COPG1: variants seen among roughly 807,000 people sequenced by gnomAD.
COPG1 encodes the protein coatomer subunit gamma-1.
Under a neutral mutation model 102.8 loss-of-function variants are expected in COPG1, and 29 were observed. The ratio of observed to expected loss-of-function variants is 0.28; its 90% CI spans 0.21 to 0.38. The LOEUF (loss-of-function observed/expected upper bound fraction) is 0.38, where lower values mean the gene tolerates loss of function less well. Among genes scored for constraint, COPG1 ranks in the 10% least tolerant of loss-of-function variants. The pLI, the probability that COPG1 is intolerant of heterozygous loss-of-function variation, is 1.00. For missense variants in COPG1, 875 were observed against 1,132.7 expected (o/e 0.77, Z 3.27); for synonymous variants, 406 against 421.6 (o/e 0.96, Z 0.45).
Position 129,277,499 on chromosome 3 carries a change from A to G in COPG1, c.*75A>G. The G allele has an allele frequency of 6.7e-7, 1 of 1,487,868 alleles. No individual in the cohort carries two copies. Among genetic ancestry groups the G allele is most frequent in the Non-Finnish European group, 9.2e-7 (1 of 1,082,412 alleles). The allele number at this position is 1,487,868 out of a possible 1,614,324, so 92.2% of individuals were successfully genotyped here. A position where few individuals can be genotyped will look rare whatever the true frequency, so the allele number is the denominator to read the frequency against. On this transcript the variant is annotated 3_prime_UTR_variant, in exon 24 of 24. Transcript: ENST00000314797. Reference sequence around the variant, plus strand: ...GTTGTGCCTTCCTCATGAAACTGGCAGAAACCCCTTCCCAAGCTTCTGTAT... The same window carrying G: ...GTTGTGCCTTCCTCATGAAACTGGCGGAAACCCCTTCCCAAGCTTCTGTAT...
At position 129,277,488 on chromosome 3, in the gene COPG1, A is replaced by T; in HGVS notation, c.*64A>T. On this transcript the variant is annotated 3_prime_UTR_variant, in exon 24 of 24. Coordinates refer to ENST00000314797, the MANE Select transcript of COPG1 (RefSeq NM_016128.4). ...ACTACCTGGAAGTTGTGCCTTCCTC[A>T]TGAAACTGGCAGAAACCCCTTCCCA... is the stretch of plus-strand genomic sequence containing the variant. 1 of 1,544,324 alleles carries T rather than the reference A, an allele frequency of 6.5e-7. No individual in the cohort carries two copies. The highest frequency in any genetic ancestry group is 1.4e-5 in the African/African-American group (1 of 73,704).
chr3:129,252,092 G>C (rs1297442475), intron 2 of COPG1, among the ~76,000 whole-genome samples, 189 bp from the exon 3 acceptor site: 1 of 152,180 alleles, frequency 6.6e-6, no homozygotes, highest in African/African-American at 2.4e-5. Context: ...ATATTTACAC[G>C]AGAGTCTAAG....
At chr3:129,254,295 CA>C (rs62829860) in intron 5 of COPG1, 686 of 156,420 alleles carry the variant, frequency 4.4e-3, no homozygotes, top group South Asian at 7.3e-3. Context: ...GACTCTGTCT[CA>C]AAAAAAAAAA....
chr3:129,255,990 G>A, intron 7 of COPG1, 78 bp from the exon 8 acceptor site: 2 of 1,295,628 alleles, frequency 1.5e-6, no homozygotes, highest in South Asian at 1.2e-5. Flanking sequence ...CTGTGTCTGA[G>A]GGAAGACCAG....
At chr3:129,272,581 T>TA (rs1940204950) in intron 20 of COPG1, among the ~76,000 whole-genome samples, 166 bp downstream of exon 20, 1 of 152,120 alleles carries the variant, frequency 6.6e-6, no homozygotes, top group African/African-American at 2.4e-5. Flanking sequence ...TTTAAAAATT[T>TA]TTTTTTTTAA....
intron 10 of COPG1, 105 bp downstream of exon 10, chr3:129,257,965 T>G (rs542663479): frequency 1.9e-5 from 28 of 1,441,150 alleles, no homozygotes; most frequent in Admixed American, 1.4e-4. Flanking sequence ...TAACAAGTGT[T>G]AAGGAGTCTG....
intron 18 of COPG1, 100 bp downstream of exon 18, chr3:129,269,100 G>C (rs1398504453): frequency 9.5e-7 from 1 of 1,054,802 alleles, no homozygotes; most frequent in African/African-American, 1.6e-5. Flanking sequence ...CTGAGTGCTA[G>C]GCCCTTGAGA....
chr3:129,257,980 T>A, intron 10 of COPG1, 120 bp downstream of exon 10: 1 of 1,289,936 alleles, frequency 7.8e-7, no homozygotes, highest in Non-Finnish European at 1.1e-6. Context: ...AGTCTGTACC[T>A]AGGAAGCACC....
rs530266650 is a variant in COPG1 at position 129,260,870 on chromosome 3, T to TG, written c.1128+65dup. On this transcript the variant is annotated intron_variant, in intron 12 of 23. Transcript: ENST00000314797. ...GAAGGAGCTCTGTCCCTGCTCTCTG[T>TG]GGCCACAGCCTTCCTGCCAGGACTG... 321 of 1,540,896 alleles carry TG rather than the reference T, an allele frequency of 2.1e-4. 2 individuals are homozygous for TG. In the African/African-American group the frequency reaches 3.5e-3, roughly 17 times the overall value.
intron 15 of COPG1, chr3:129,267,367 A>T (rs185435465): frequency 9.9e-4 from 299 of 302,790 alleles, no homozygotes; most frequent in African/African-American, 3.9e-3. Flanking sequence ...CCCGCCTGTA[A>T]TCCCAGCACT....
intron 10 of COPG1, among the ~76,000 whole-genome samples, chr3:129,258,646 T>C (rs1221098841): frequency 6.6e-6 from 1 of 152,126 alleles, no homozygotes; most frequent in African/African-American, 2.4e-5. Context: ...TTAGTTGAGA[T>C]GGGGTTTCAC....
At position 129,277,601 on chromosome 3, in the gene COPG1, CTTTT is replaced by C. The variant is rs35073725; in HGVS notation, c.*193_*196del. On this transcript the variant is annotated 3_prime_UTR_variant, in exon 24 of 24. Transcript: ENST00000314797. Reference sequence around the variant, plus strand: ...CCCACCCGGGACTACTTGCTGGTGACTTTTTTTTTTTTTTTTTTTAAATAGGGGA... The same window carrying C: ...CCCACCCGGGACTACTTGCTGGTGACTTTTTTTTTTTTTTTAAATAGGGGA... The C allele has an allele frequency of 2.8e-4, 85 of 302,148 alleles. No homozygotes were observed. The highest frequency in any genetic ancestry group is 4.0e-4 in the East Asian group (6 of 15,120). 18.7% of individuals were successfully genotyped at this position (302,148 alleles called of 1,614,324 possible). A position where few individuals can be genotyped will look rare whatever the true frequency, so the allele number is the denominator to read the frequency against.
rs1204964629 is a variant in COPG1, at chr3:129,275,114, GC to G, written c.2396-77del. ...TATGTCAAATGCCACTTCATTAAAA[GC>G]CCTTCAGAACATGGGGGAGTGGTGG... On this transcript the variant is annotated intron_variant, in intron 22 of 23. Transcript: ENST00000314797. This position sits in a 1 kb window ranked among gnomAD's most constrained non-coding sequence, Gnocchi z 5.0. 21 of 1,510,906 alleles carry G rather than the reference GC, an allele frequency of 1.4e-5. No individual in the cohort carries two copies. In the Middle Eastern group the frequency reaches 8.6e-4, roughly 62 times the overall value. The allele number at this position is 1,510,906 out of a possible 1,614,324, so 93.6% of individuals were successfully genotyped here.
In COPG1 at chr3:129,256,202, T is replaced by C. The variant is rs6801983; in HGVS notation, c.579+48T>C. Reference sequence around the variant, plus strand: ...ATATTTAAAACACTCAGGCAGGTGGTAAGGCACTGGCCAGTTGGCATGGAC... The same window carrying C: ...ATATTTAAAACACTCAGGCAGGTGGCAAGGCACTGGCCAGTTGGCATGGAC... On this transcript the variant is annotated intron_variant, in intron 8 of 23. Transcript: ENST00000314797. 133 of 1,537,868 alleles carry C rather than the reference T, an allele frequency of 8.6e-5. 1 individual carries two copies. In the Middle Eastern group the frequency reaches 1.0e-3, roughly 12 times the overall value.
In COPG1 at chr3:129,250,670, C is replaced by T. The variant is rs1389377957; in HGVS notation, c.38-12C>T. 3 of 1,612,944 alleles carry T rather than the reference C, an allele frequency of 1.9e-6. No homozygotes were observed. In the Admixed American group the frequency reaches 5.0e-5, roughly 27 times the overall value. ...AGTCACAACCTACCTTCTCCATTGT[C>T]CTTGACCGTAGGTGGAGGCTCCAAC... On this transcript the variant is annotated splice_polypyrimidine_tract_variant and intron_variant, in intron 1 of 23. Transcript: ENST00000314797.
intron 10 of COPG1, among the ~76,000 whole-genome samples, chr3:129,259,460 CAAAAAAAAAAAA>C (rs781019383): frequency 6.3e-5 from 3 of 47,562 alleles, no homozygotes; most frequent in Non-Finnish European, 1.2e-4. Flanking sequence ...GACTCTATCT[CAAAAAAAAAAAA>C]AAAAAAAAGA....
At chr3:129,253,305 TA>T (rs1223425401) in intron 5 of COPG1, among the ~76,000 whole-genome samples, 1 of 152,202 alleles carries the variant, frequency 6.6e-6, no homozygotes, top group African/African-American at 2.4e-5. Context: ...GTGTCTGCTT[TA>T]AGCTAAGCAA....
rs371809653 is a variant in COPG1 at position 129,272,921 on chromosome 3, A to T, written c.2256+17A>T. 22 of 1,494,112 alleles carry T rather than the reference A, an allele frequency of 1.5e-5. No individual in the cohort carries two copies. The African/African-American group carries it at 2.8e-4, about 19-fold the overall frequency. The allele number at this position is 1,494,112 out of a possible 1,614,324, so 92.6% of individuals were successfully genotyped here. ...GAGTATGTGGTAAGATCCTGGTGTCAGGAAGCTCAGTTTTGTGCTGAGGCT... is the reference window on the plus strand; with the variant it reads ...GAGTATGTGGTAAGATCCTGGTGTCTGGAAGCTCAGTTTTGTGCTGAGGCT... On this transcript the variant is annotated intron_variant, in intron 21 of 23. Transcript: ENST00000314797.
At position 129,275,784 on chromosome 3, in the gene COPG1, G is replaced by T. The variant is rs1347236206; in HGVS notation, c.2494+492G>T. 6.6e-6 allele frequency among the ~76,000 whole-genome samples: 1 copy of T among 152,136 alleles called. No individual in the cohort carries two copies. The highest frequency in any genetic ancestry group is 1.5e-5 in the Non-Finnish European group (1 of 68,032). On this transcript the variant is annotated intron_variant, in intron 23 of 23. Transcript: ENST00000314797. This position sits in a 1 kb window ranked among gnomAD's most constrained non-coding sequence, Gnocchi z 5.0. ...CGGCATTAAGTACATTCACACTATTGTAAAACTATGACCACCATCCATCTC... is the reference window on the plus strand; with the variant it reads ...CGGCATTAAGTACATTCACACTATTTTAAAACTATGACCACCATCCATCTC...
Sources: allele counts gnomAD v4.1 joint callset (sites outside exome capture counted in the v4.1 genomes callset), GRCh38; gene constraint gnomAD v4.1.1; non-coding constraint Gnocchi (gnomAD v3.1); transcripts MANE v1.5; gene names NCBI Gene and HGNC (gene_info 2026-07-23, HGNC 2026-07-21).